Variants in PLAAT1 observed in about 807,000 individuals in gnomAD.
The protein encoded by PLAAT1 is phospholipase A and acyltransferase 1.
A neutral mutation model predicts 16.4 loss-of-function variants in PLAAT1; 13 were observed. That is an observed-to-expected ratio of 0.79 (90% confidence interval 0.52 to 1.26). PLAAT1 has a LOEUF of 1.26. PLAAT1 is among the 50% of genes most tolerant of loss of function. PLAAT1 has a pLI of 0.00. For missense variants in PLAAT1, 218 were observed against 207.8 expected (o/e 1.05, Z -0.30); for synonymous variants, 73 against 78.4 (o/e 0.93, Z 0.36).
At chr3:193,273,537 C>T (rs1467986064), downstream of PLAAT1, among the ~76,000 whole-genome samples, 1 of 152,116 alleles carries the variant, frequency 6.6e-6, no homozygotes, top group African/African-American at 2.4e-5. Flanking sequence ...AAACTCAAGG[C>T]TATCATATAT....
At chr3:193,242,334 G>A (rs1417127115) in intron 1 of PLAAT1, among the ~76,000 whole-genome samples, 1 of 152,080 alleles carries the variant, frequency 6.6e-6, no homozygotes, top group East Asian at 1.9e-4. Flanking sequence ...TGGGCCATTA[G>A]ATGGATGCCT....
chr3:193,248,712 A>G (rs1716073464), intron 1 of PLAAT1, among the ~76,000 whole-genome samples: 1 of 152,120 alleles, frequency 6.6e-6, no homozygotes, highest in South Asian at 2.1e-4. Context: ...ATCCCCTCCA[A>G]CAATTTGTTT....
chr3:193,256,982 C>T (rs747476204), intron 2 of PLAAT1, among the ~76,000 whole-genome samples: 1 of 152,092 alleles, frequency 6.6e-6, no homozygotes, highest in Non-Finnish European at 1.5e-5. Flanking sequence ...GAGGTGGTGC[C>T]GGCCTCAGAG....
At chr3:193,270,874 T>G, downstream of PLAAT1, 2 of 1,300,010 alleles carry the variant, frequency 1.5e-6, no homozygotes, top group Non-Finnish European at 2.0e-6. Flanking sequence ...CCAATGAAAT[T>G]TTTTTCCCCT....
downstream of PLAAT1, chr3:193,274,781 C>T: frequency 4.0e-6 from 2 of 504,122 alleles, no homozygotes; most frequent in Non-Finnish European, 6.9e-6. Context: ...TCATTTTAAA[C>T]AAAATAATGC....
downstream of PLAAT1, among the ~76,000 whole-genome samples, chr3:193,273,253 CAT>C (rs1464857105): frequency 3.9e-5 from 6 of 152,100 alleles, no homozygotes; most frequent in Non-Finnish European, 7.4e-5. Flanking sequence ...TAGTTTGATA[CAT>C]AGTTTATAAT....
intron 1 of PLAAT1, among the ~76,000 whole-genome samples, chr3:193,253,555 A>G (rs569740087): frequency 6.6e-6 from 1 of 152,188 alleles, no homozygotes; most frequent in African/African-American, 2.4e-5. Flanking sequence ...CCAGCTCCCT[A>G]AGGGTTACTT....
chr3:193,274,838 C>A, downstream of PLAAT1: 1 of 651,264 alleles, frequency 1.5e-6, no homozygotes, highest in Non-Finnish European at 2.6e-6. Context: ...ACAGGAAATG[C>A]ATTTTTTTCT....
rs1715742755 is a variant in PLAAT1, at chr3:193,241,474, ACC to A, written c.-57_-56del. 2 of 1,231,400 alleles carry A rather than the reference ACC, an allele frequency of 1.6e-6. No individual in the cohort carries two copies. Among genetic ancestry groups the A allele is most frequent in the Non-Finnish European group, 2.0e-6 (2 of 988,012 alleles). 76.3% of individuals were successfully genotyped at this position (1,231,400 alleles called of 1,614,324 possible). ...GTCGGCAGCTGCGAGGCCAAGAGAGACCCCAGGACACACACAGCTGCCTCCCG... is the reference window on the plus strand; with the variant it reads ...GTCGGCAGCTGCGAGGCCAAGAGAGACCAGGACACACACAGCTGCCTCCCG... On this transcript the variant is annotated 5_prime_UTR_variant, in exon 1 of 4. Transcript: ENST00000264735.
At chr3:193,264,971 A>G (rs889187185) in intron 3 of PLAAT1, among the ~76,000 whole-genome samples, 2 of 152,210 alleles carry the variant, frequency 1.3e-5, no homozygotes, top group Non-Finnish European at 2.9e-5. Context: ...ATTTCGCTTC[A>G]CACTCAATAC....
At chr3:193,274,135 C>G (rs536036102), downstream of PLAAT1, among the ~76,000 whole-genome samples, 11 of 151,942 alleles carry the variant, frequency 7.2e-5, no homozygotes, top group African/African-American at 2.7e-4. Context: ...CCCAGCTACT[C>G]GAGAGGCTGA....
chr3:193,244,726 C>T (rs989784231), intron 1 of PLAAT1, among the ~76,000 whole-genome samples: 4 of 152,052 alleles, frequency 2.6e-5, no homozygotes, highest in Non-Finnish European at 5.9e-5. Flanking sequence ...TCTGCAGAGT[C>T]CCAAGGTGGT....
chr3:193,249,663 T>C (rs1444562137), intron 1 of PLAAT1, among the ~76,000 whole-genome samples: 2 of 152,218 alleles, frequency 1.3e-5, no homozygotes, highest in Non-Finnish European at 2.9e-5. Flanking sequence ...CCACTAAGGC[T>C]GTTAGGCTGT....
chr3:193,253,712 G>C (rs1394257786), intron 1 of PLAAT1, among the ~76,000 whole-genome samples: 3 of 152,104 alleles, frequency 2.0e-5, no homozygotes, highest in African/African-American at 4.8e-5. Flanking sequence ...GCTCACATCA[G>C]TAACACCTAG....
chr3:193,270,894 G>T, downstream of PLAAT1: 1 of 1,247,236 alleles, frequency 8.0e-7, no homozygotes, highest in South Asian at 2.8e-5. Context: ...TGCTAGCATA[G>T]ATGTACTGTG....
intron 1 of PLAAT1, among the ~76,000 whole-genome samples, chr3:193,243,140 C>T (rs942859849): frequency 2.6e-5 from 4 of 152,230 alleles, no homozygotes; most frequent in Admixed American, 2.0e-4. Flanking sequence ...ACTTAACCTT[C>T]ATGCCACTCT....
intron 1 of PLAAT1, among the ~76,000 whole-genome samples, chr3:193,242,665 C>T (rs1014116253): frequency 1.3e-5 from 2 of 152,008 alleles, no homozygotes; most frequent in Middle Eastern, 3.2e-3. Flanking sequence ...GCTGTGGCAG[C>T]GGATAGTTAA....
chr3:193,252,580 T>A lies in PLAAT1; in HGVS notation c.1-3071T>A, dbSNP rs1716230472. 2.0e-5 allele frequency among the ~76,000 whole-genome samples: 3 copies of A among 152,306 alleles called. No homozygotes were observed. The South Asian group carries it at 6.2e-4, about 32-fold the overall frequency. On this transcript the variant is annotated intron_variant, in intron 1 of 3. Coordinates refer to ENST00000264735, the MANE Select transcript of PLAAT1 (RefSeq NM_020386.5). ...TAAGGACAATCAATTTACCAATTTT[T>A]CCTGGTAAGGATCATACTTTTGGTA...
chr3:193,242,536 A>G (rs1022265627), intron 1 of PLAAT1, among the ~76,000 whole-genome samples: 1 of 152,142 alleles, frequency 6.6e-6, no homozygotes. Flanking sequence ...AGAATAATGG[A>G]TAGTTTGATT....
Sources: allele counts gnomAD v4.1 joint callset (sites outside exome capture counted in the v4.1 genomes callset), GRCh38; gene constraint gnomAD v4.1.1; transcripts MANE v1.5; gene names NCBI Gene and HGNC (gene_info 2026-07-23, HGNC 2026-07-21).